VPS28: variants seen among roughly 807,000 people sequenced by gnomAD.
VPS28 encodes the protein VPS28 subunit of ESCRT-I.
In VPS28, 29 loss-of-function variants were observed where a neutral mutation model predicts 33.7. That is an observed-to-expected ratio of 0.86 (90% CI 0.64 to 1.17). The LOEUF (loss-of-function observed/expected upper bound fraction) is 1.17, where lower values mean the gene tolerates loss of function less well. VPS28 is among the 50% of genes most tolerant of loss of function. The probability of loss-of-function intolerance (pLI) is 0.00; values close to 1 mark genes in which losing one functional copy is unlikely to be tolerated. For synonymous variants in VPS28, 164 were observed against 116.7 expected, an observed-to-expected ratio of 1.40 and a Z score of -2.61; for missense variants, 247 against 312.2, an observed-to-expected ratio of 0.79 and a Z score of 1.57.
chr8:144,424,913 C>T lies in VPS28; in HGVS notation c.300+33G>A, dbSNP rs956586015. 8.7e-6 allele frequency: 14 copies of T among 1,605,758 alleles called. 1 individual carries two copies. Among genetic ancestry groups the T allele is most frequent in the African/African-American group, 1.3e-5 (1 of 74,784 alleles). On this transcript the variant is annotated intron_variant, in intron 6 of 9. Coordinates refer to ENST00000292510, the MANE Select transcript of VPS28 (RefSeq NM_016208.4). Reference sequence around the variant, plus strand: ...ACCCCATACCCATGCCCGACAGTCTCGCCCCATGGGGGTGGAAGGACCAGG... The same window carrying T: ...ACCCCATACCCATGCCCGACAGTCTTGCCCCATGGGGGTGGAAGGACCAGG...
rs782011332 is a variant in VPS28 at position 144,425,697 on chromosome 8, A to G, written c.180T>C (p.Cys60=). The part of the protein sequence containing the change: ...QALEKAYIKD[C]VSPSEYTAAC... ...TGGGCTCTTACTCGCTGGGGGAGAC[A>G]CAGTCCTTGATGTAGGCCTTCTCCA... Residue 60 remains cysteine (C), a synonymous_variant, in exon 5 of 10, where the codon TGT becomes TGC. Coordinates refer to ENST00000292510, the MANE Select transcript of VPS28 (RefSeq NM_016208.4). 9 of 1,613,732 alleles carry G rather than the reference A, an allele frequency of 5.6e-6. No individual in the cohort carries two copies. In the Admixed American group the frequency reaches 1.2e-4, roughly 21 times the overall value.
In VPS28 at chr8:144,423,814, C is replaced by A; in HGVS notation, c.657G>T (p.Leu219=). The A allele has an allele frequency of 6.2e-7, 1 of 1,613,140 alleles. No individual in the cohort carries two copies. The highest frequency in any genetic ancestry group is 2.2e-5 in the East Asian group (1 of 44,890). Residue 219 remains leucine, a synonymous_variant, in exon 10 of 10, where the codon CTG becomes CTT. Transcript: ENST00000292510. ...ESAYNAFNRF[L]HA is the part of the protein sequence containing the mutation. ...GGCTAGTGCCCCGGGCTCAGGCATGCAGGAAGCGGTTGAAGGCGTTGTAGG... is the reference window on the plus strand; with the variant it reads ...GGCTAGTGCCCCGGGCTCAGGCATGAAGGAAGCGGTTGAAGGCGTTGTAGG...
At chr8:144,426,270 G>C in intron 2 of VPS28, 62 bp from the exon 3 acceptor site, 1 of 1,507,822 alleles carries the variant, frequency 6.6e-7, no homozygotes, top group Non-Finnish European at 8.9e-7. Flanking sequence ...GCAGACTCCA[G>C]TCCCAGTCTC....
At chr8:144,425,994 T>TGTGTTGGGACAGCCTGGGC in intron 4 of VPS28, 32 bp downstream of exon 4, 1 of 1,488,634 alleles carries the variant, frequency 6.7e-7, no homozygotes, top group Non-Finnish European at 9.0e-7. Context: ...TGCGCATGGG[T>TGTGTTGGGACAGCCTGGGC]GTGTTGGGAC....
chr8:144,425,006 G>A lies in VPS28; in HGVS notation c.240C>T (p.Ala80=), dbSNP rs1356635038. 1.3e-6 allele frequency: 2 copies of A among 1,555,510 alleles called. No individual in the cohort carries two copies. Among genetic ancestry groups the A allele is most frequent in the Middle Eastern group, 1.7e-4 (1 of 5,998 alleles). The part of the protein sequence containing the change: ...CSRLLVQYKA[A]FRQVQGSEIS... ...TTTCTGAGCCCTGGACCTGCCTGAA[G>A]GCAGCTTTGTATTGGACCAGGAGCC... The change falls in exon 6 of 10, where the codon GCC becomes GCT. Residue 80 remains alanine (A), a synonymous_variant. Transcript: ENST00000292510.
At chr8:144,425,343 T>C (rs1277574165) in intron 5 of VPS28, 3 of 533,482 alleles carry the variant, frequency 5.6e-6, no homozygotes, top group Non-Finnish European at 1.0e-5. Context: ...CTCATGGTCC[T>C]GTGCGGTGGC....
chr8:144,425,845 C>T (rs371654384), intron 4 of VPS28, 73 bp from the exon 5 acceptor site: 38 of 1,598,696 alleles, frequency 2.4e-5, no homozygotes, highest in South Asian at 3.3e-5. Flanking sequence ...ACCCCCTGCC[C>T]GGAGGTGCCA....
In VPS28 at chr8:144,423,728, G is replaced by T; in HGVS notation, c.*77C>A. The T allele has an allele frequency of 6.4e-7, 1 of 1,569,120 alleles. No homozygotes were observed. Among genetic ancestry groups the T allele is most frequent in the East Asian group, 2.3e-5 (1 of 44,042 alleles). On this transcript the variant is annotated 3_prime_UTR_variant, in exon 10 of 10. Transcript: ENST00000292510. The stretch of plus-strand genomic sequence containing the variant: ...GACAGTGAGTTGTGTGGATGACCAC[G>T]GCCTGTGTGGCGGACAGGGGACCAG...
intron 9 of VPS28, 21 bp downstream of exon 9, chr8:144,424,020 C>T: frequency 6.3e-7 from 1 of 1,597,812 alleles, no homozygotes; most frequent in Non-Finnish European, 8.6e-7. Context: ...GGGGCTCTGC[C>T]TGGCTGGGAG....
At chr8:144,426,764 A>T (rs1822780319) in intron 2 of VPS28, 145 bp downstream of exon 2, 2 of 819,652 alleles carry the variant, frequency 2.4e-6, no homozygotes, top group Non-Finnish European at 3.8e-6. Flanking sequence ...GTGCTCCTGC[A>T]ATGAACTATT....
rs781989643 is a variant in VPS28 at position 144,426,957 on chromosome 8, T to TG, written c.-13dup. 656 of 1,603,396 alleles carry TG rather than the reference T, an allele frequency of 4.1e-4. No individual in the cohort carries two copies. Among genetic ancestry groups the TG allele is most frequent in the Middle Eastern group, 1.7e-3 (10 of 6,012 alleles). Reference sequence around the variant, plus strand: ...ATCCCATGAAACATCCTCTAGGCTCTGGGGGGGGCACAGCACTGAGACCTG... The same window carrying TG: ...ATCCCATGAAACATCCTCTAGGCTCTGGGGGGGGGCACAGCACTGAGACCTG... On this transcript the variant is annotated 5_prime_UTR_variant, in exon 2 of 10. Transcript: ENST00000292510.
chr8:144,428,352 G>C (rs1248791765), intron 1 of VPS28, 137 bp downstream of exon 1: 3 of 152,292 alleles, frequency 2.0e-5, no homozygotes, highest in African/African-American at 7.2e-5. Context: ...CCAGTTTCTA[G>C]AACATGCCAA....
In VPS28 at chr8:144,425,789, C is replaced by CT. The variant is rs782273971; in HGVS notation, c.105-18dup. 2 of 1,613,696 alleles carry CT rather than the reference C, an allele frequency of 1.2e-6. No homozygotes were observed. The highest frequency in any genetic ancestry group is 2.2e-5 in the South Asian group (2 of 91,084). On this transcript the variant is annotated splice_polypyrimidine_tract_variant and intron_variant, in intron 4 of 9. Coordinates refer to ENST00000292510, the MANE Select transcript of VPS28 (RefSeq NM_016208.4). ...TTGTCGTACCTGAGGACACACCTGT[C>CT]TATCGGGCCAGGCCCCGGGGTGCCA...
chr8:144,426,747 G>A (rs971624767), intron 2 of VPS28, 162 bp downstream of exon 2: 1 of 714,008 alleles, frequency 1.4e-6, no homozygotes, highest in Non-Finnish European at 2.3e-6. Flanking sequence ...AGGTTTCTGA[G>A]CCCTCAGTGC....
chr8:144,425,608 C>T (rs551935309), intron 5 of VPS28, 75 bp downstream of exon 5: 45 of 1,515,398 alleles, frequency 3.0e-5, no homozygotes, highest in African/African-American at 1.4e-4. Flanking sequence ...GCCTGACAGA[C>T]GCCTGCTCTT....
chr8:144,425,751 C>G lies in VPS28; in HGVS notation c.126G>C (p.Leu42=). ...EREKYDNMAE[L]FAVVKTMQAL... ...CTTGCATTGTCTTCACCACCGCAAA[C>G]AGCTCTGCCATGTTGTCGTACCTGA... The change falls in exon 5 of 10, where the codon CTG becomes CTC. Residue 42 remains leucine (L), a synonymous_variant. Coordinates refer to ENST00000292510, the MANE Select transcript of VPS28 (RefSeq NM_016208.4). 6.2e-7 allele frequency: 1 copy of G among 1,613,966 alleles called. No individual in the cohort carries two copies. The highest frequency in any genetic ancestry group is 2.2e-5 in the East Asian group (1 of 44,890).
At chr8:144,424,452 T>C (rs2130815333) in intron 7 of VPS28, 184 bp from the exon 8 acceptor site, 1 of 873,162 alleles carries the variant, frequency 1.1e-6, no homozygotes, top group South Asian at 1.8e-5. Flanking sequence ...GTGTGGGAAC[T>C]GAAGGGTGGG....
In VPS28 at chr8:144,428,287, G is replaced by A. The variant is rs139660842; in HGVS notation, c.-35+202C>T. ...CTAACAGCGAAAGCGGACGTTCTGC[G>A]GCCACAAGCAAATGTGCAAAACAAC... On this transcript the variant is annotated intron_variant, in intron 1 of 9. Transcript: ENST00000292510. Among the ~76,000 whole-genome samples, 203 of 152,344 alleles carry A rather than the reference G, an allele frequency of 1.3e-3. 2 individuals are homozygous for A. Among genetic ancestry groups the A allele is most frequent in the African/African-American group, 4.6e-3 (193 of 41,578 alleles).
chr8:144,424,043 C>G lies in VPS28; in HGVS notation c.546G>C (p.Gln182His). 1 of 1,584,232 alleles carries G rather than the reference C, an allele frequency of 6.3e-7. No homozygotes were observed. Among genetic ancestry groups the G allele is most frequent in the Non-Finnish European group, 8.6e-7 (1 of 1,161,652 alleles). Residue 182 changes from glutamine (Q) to histidine (H), a missense_variant and splice_region_variant, in exon 9 of 10, where the codon CAG (glutamine) becomes CAC (histidine). Physicochemically the swap from Gln to His is conservative, Grantham distance 24. Coordinates refer to ENST00000292510, the MANE Select transcript of VPS28 (RefSeq NM_016208.4). ...GCCTGGCTGGGAGGGACACCCACCA[C>G]TGGCTGACCGTCTGGCGGCCCTCAA... ...PDFEGRQTVS[Q>H]WLQTLSGMSA...
Sources: allele counts gnomAD v4.1 joint callset (sites outside exome capture counted in the v4.1 genomes callset), GRCh38; gene constraint gnomAD v4.1.1; transcripts MANE v1.5; gene names NCBI Gene and HGNC (gene_info 2026-07-23, HGNC 2026-07-21).